Variants in LRRC4C observed in about 807,000 individuals in gnomAD.
LRRC4C encodes the protein leucine-rich repeat-containing protein 4C.
In LRRC4C, 5 loss-of-function variants were observed where a neutral mutation model predicts 33.6. The observed-to-expected ratio is 0.15, with a 90% CI of 0.08 to 0.31. The LOEUF (loss-of-function observed/expected upper bound fraction) is 0.31. LRRC4C is among the 10% of genes least tolerant of loss of function. The probability of loss-of-function intolerance (pLI) is 1.00; values close to 1 mark genes in which losing one functional copy is unlikely to be tolerated. For missense variants in LRRC4C, 560 were observed against 796.7 expected, an observed-to-expected ratio of 0.70 and a Z score of 3.58; for synonymous variants, 329 against 302.0, an observed-to-expected ratio of 1.09 and a Z score of -0.93.
intron 2 of LRRC4C, among the ~76,000 whole-genome samples, chr11:40,892,091 C>A (rs1313787011): frequency 6.8e-6 from 1 of 145,990 alleles, no homozygotes; most frequent in African/African-American, 2.5e-5. Context: ...GTGGCGATGG[C>A]GCCACTGCAC....
chr11:41,101,031 C>T (rs1290943068), intron 1 of LRRC4C, among the ~76,000 whole-genome samples: 2 of 151,978 alleles, frequency 1.3e-5, no homozygotes, highest in Non-Finnish European at 2.9e-5. Context: ...TTAAATATAA[C>T]ACCTAAAACC....
intron 1 of LRRC4C, among the ~76,000 whole-genome samples, chr11:41,008,457 C>T (rs934335744): frequency 1.3e-5 from 2 of 152,068 alleles, no homozygotes; most frequent in South Asian, 2.1e-4. Context: ...AGAGCTAGTT[C>T]GATTTGTTGA....
chr11:41,011,333 A>T (rs1297974428), intron 1 of LRRC4C, among the ~76,000 whole-genome samples: 1 of 152,082 alleles, frequency 6.6e-6, no homozygotes, highest in South Asian at 2.1e-4. Flanking sequence ...CTTTCTTCAG[A>T]TATGAATAAA....
rs916804949 is a variant in LRRC4C at position 40,589,151 on chromosome 11, C to G, written c.-270+58991G>C. Among the ~76,000 whole-genome samples the G allele has an allele frequency of 3.3e-5, 5 of 152,160 alleles. No homozygotes were observed. The South Asian group carries it at 1.0e-3, about 32-fold the overall frequency. ...GTCACTCAGGACTTGCTTTATGAAT[C>G]TGGGTGCTCCTGTATTGGGTGCATA... On this transcript the variant is annotated intron_variant, in intron 3 of 6. Transcript: ENST00000528697.
At chr11:41,420,723 A>C (rs80216338) in intron 1 of LRRC4C, among the ~76,000 whole-genome samples, 7,697 of 152,108 alleles carry the variant, frequency 0.051, 258 homozygotes, top group Middle Eastern at 0.092. Context: ...CAAGCTGGTT[A>C]CTTAACATTT....
intron 4 of LRRC4C, among the ~76,000 whole-genome samples, chr11:40,264,521 G>A (rs1942103020): frequency 6.6e-6 from 1 of 152,164 alleles, no homozygotes; most frequent in South Asian, 2.1e-4. Context: ...ATATTCATAA[G>A]CTGAATTCTC....
At chr11:41,363,179 AG>A in intron 1 of LRRC4C, among the ~76,000 whole-genome samples, 1 of 152,250 alleles carries the variant, frequency 6.6e-6, no homozygotes, top group Non-Finnish European at 1.5e-5. Flanking sequence ...CTTTTCTCTA[AG>A]ATAATATTGG....
At chr11:40,358,782 C>G (rs759966843) in intron 3 of LRRC4C, among the ~76,000 whole-genome samples, 1 of 152,162 alleles carries the variant, frequency 6.6e-6, no homozygotes, top group Non-Finnish European at 1.5e-5. Context: ...TGAAAACCCT[C>G]TATGCTCCTG....
At chr11:41,301,303 A>G (rs1272616964) in intron 1 of LRRC4C, among the ~76,000 whole-genome samples, 1 of 152,220 alleles carries the variant, frequency 6.6e-6, no homozygotes. Flanking sequence ...ACGTGTGCTG[A>G]AAAAGAAAGA....
intron 1 of LRRC4C, among the ~76,000 whole-genome samples, chr11:41,357,620 T>C (rs1952207352): frequency 6.6e-6 from 1 of 152,106 alleles, no homozygotes; most frequent in Non-Finnish European, 1.5e-5. Flanking sequence ...TCCTTTTCCA[T>C]ATTGTTGTTG....
At chr11:40,304,845 C>T (rs1253331615) in intron 4 of LRRC4C, among the ~76,000 whole-genome samples, 1 of 151,950 alleles carries the variant, frequency 6.6e-6, no homozygotes, top group Non-Finnish European at 1.5e-5. Context: ...AATTCTCCTG[C>T]TTTCACTCCA....
chr11:41,354,858 T>A (rs1286917742), intron 1 of LRRC4C, among the ~76,000 whole-genome samples: 2 of 152,118 alleles, frequency 1.3e-5, no homozygotes, highest in African/African-American at 4.8e-5. Context: ...TCAAGATTGA[T>A]TAAAGACTTA....
chr11:41,176,112 A>T (rs1395788244), intron 1 of LRRC4C, among the ~76,000 whole-genome samples: 1 of 152,224 alleles, frequency 6.6e-6, no homozygotes, highest in Non-Finnish European at 1.5e-5. Flanking sequence ...CTGCATGTGT[A>T]TAACTGGATT....
chr11:40,931,661 A>G (rs60252954), intron 2 of LRRC4C, among the ~76,000 whole-genome samples: 9,464 of 150,478 alleles, frequency 0.063, 394 homozygotes, highest in Admixed American at 0.15. Flanking sequence ...AGGGGTGTGT[A>G]TGTGTGTGTG....
chr11:41,365,117 C>G (rs1952489391), intron 1 of LRRC4C, among the ~76,000 whole-genome samples: 1 of 152,078 alleles, frequency 6.6e-6, no homozygotes, highest in Admixed American at 6.6e-5. Flanking sequence ...AAGCAAAGTT[C>G]ATCAGTATTT....
At chr11:40,311,055 T>C (rs554884106) in intron 4 of LRRC4C, among the ~76,000 whole-genome samples, 2 of 152,310 alleles carry the variant, frequency 1.3e-5, no homozygotes, top group South Asian at 4.1e-4. Flanking sequence ...ACAGAAAATA[T>C]CTCCATATTC....
chr11:40,739,676 G>C (rs1159340347), intron 2 of LRRC4C, among the ~76,000 whole-genome samples: 1 of 151,912 alleles, frequency 6.6e-6, no homozygotes, highest in African/African-American at 2.4e-5. Context: ...TATTGAGTGA[G>C]TTCTCATGAT....
chr11:41,432,406 G>A (rs572694334), intron 1 of LRRC4C, among the ~76,000 whole-genome samples: 2 of 152,294 alleles, frequency 1.3e-5, no homozygotes, highest in South Asian at 4.1e-4. Context: ...GAGAGTAGAA[G>A]CTGACAAATC....
intron 1 of LRRC4C, among the ~76,000 whole-genome samples, chr11:41,356,266 T>C (rs1227232990): frequency 6.6e-6 from 1 of 152,218 alleles, no homozygotes; most frequent in East Asian, 1.9e-4. Flanking sequence ...GTACCAGATG[T>C]GATCTCAAAC....
Sources: allele counts gnomAD v4.1 joint callset (sites outside exome capture counted in the v4.1 genomes callset), GRCh38; gene constraint gnomAD v4.1.1; transcripts MANE v1.5; gene names NCBI Gene and HGNC (gene_info 2026-07-23, HGNC 2026-07-21).